KCNQ2: variants seen among roughly 807,000 people sequenced by gnomAD.
The protein encoded by KCNQ2 is potassium voltage-gated channel subfamily Q member 2, also known as potassium voltage-gated channel subfamily KQT member 2.
Under a neutral mutation model 84.8 loss-of-function variants are expected in KCNQ2, and 14 were observed. The observed-to-expected ratio is 0.17, with a 90% CI of 0.11 to 0.26. KCNQ2 has a LOEUF of 0.26. KCNQ2 is among the 10% of genes least tolerant of loss of function. The probability of loss-of-function intolerance (pLI) is 1.00; values close to 1 mark genes in which losing one functional copy is unlikely to be tolerated. For missense variants in KCNQ2, 788 were observed against 1,254.0 expected, an observed-to-expected ratio of 0.63 and a Z score of 5.61; for synonymous variants, 599 against 554.1, an observed-to-expected ratio of 1.08 and a Z score of -1.14.
At position 63,407,435 on chromosome 20, in the gene KCNQ2, A is replaced by G. The variant is rs111793741; in HGVS notation, c.1888-60T>C. 3,989 of 1,567,538 alleles carry G rather than the reference A, an allele frequency of 2.5e-3. 196 individuals carry two copies. The African/African-American group carries it at 0.052, about 20-fold the overall frequency. On this transcript the variant is annotated intron_variant, in intron 16 of 16. Transcript: ENST00000359125. The surrounding 1 kb of genome is among the most constrained non-coding windows in gnomAD (Gnocchi z 7.2). ...CCCGTCCCAGGAGATGTGGGGACCC[A>G]GGCTGCTCCCAGGAAATGGGGGGGC...
chr20:63,428,362 C>A lies in KCNQ2; in HGVS notation c.1217+5G>T, dbSNP rs1305559685. ...ACCCGCCCCACCTGGAGCTCCCCAG[C>A]TGACCTGAAAGCGAGTCCAGATTTA... On this transcript the variant is annotated splice_donor_5th_base_variant and intron_variant, in intron 10 of 16. Transcript: ENST00000359125. 2 of 1,562,388 alleles carry A rather than the reference C, an allele frequency of 1.3e-6. No individual in the cohort carries two copies. Among genetic ancestry groups the A allele is most frequent in the Non-Finnish European group, 1.7e-6 (2 of 1,152,574 alleles).
chr20:63,451,666 G>A (rs2081619025), intron 1 of KCNQ2, among the ~76,000 whole-genome samples: 1 of 152,136 alleles, frequency 6.6e-6, no homozygotes, highest in Non-Finnish European at 1.5e-5. Flanking sequence ...GCTGTTCCAG[G>A]CTCGATTCAC....
intron 15 of KCNQ2, chr20:63,411,845 G>T (rs925767530): frequency 8.5e-6 from 6 of 706,346 alleles, no homozygotes; most frequent in Non-Finnish European, 1.6e-5. Flanking sequence ...TTGTGCCGGG[G>T]AGTTGAAGGG....
chr20:63,453,540 G>A (rs888656885), intron 1 of KCNQ2: 2 of 152,338 alleles, frequency 1.3e-5, no homozygotes, highest in African/African-American at 4.8e-5. Flanking sequence ...GTAGGAGCAG[G>A]GGAGGACGCG....
chr20:63,450,717 C>G (rs999242959), intron 1 of KCNQ2, among the ~76,000 whole-genome samples: 17 of 151,652 alleles, frequency 1.1e-4, no homozygotes, highest in Non-Finnish European at 2.4e-4. Context: ...GGCTTGGAAG[C>G]AGGGGAGGGC....
intron 4 of KCNQ2, among the ~76,000 whole-genome samples, chr20:63,444,003 C>T (rs904903388): frequency 2.0e-4 from 30 of 152,248 alleles, no homozygotes; most frequent in African/African-American, 6.5e-4. Flanking sequence ...GCACTCAACC[C>T]CCACAGCGTC....
Position 63,415,115 on chromosome 20 carries a change from C to T in KCNQ2, c.1313G>A (p.Ser438Asn). 1.3e-6 allele frequency: 2 copies of T among 1,596,818 alleles called. No individual in the cohort carries two copies. The highest frequency in any genetic ancestry group is 8.5e-7 in the Non-Finnish European group (1 of 1,178,834). The change falls in exon 13 of 17, where the codon AGT becomes AAT. Residue 438 changes from serine (S) to asparagine (N), a missense_variant. Around this residue, in one of 8 missense-constraint regions of KCNQ2, gnomAD observed 202 missense variants for 239.4 expected, o/e 0.84. Transcript: ENST00000359125. Reference sequence around the variant, plus strand: ...GCTGGAGAAGACACGATCTTTCAAACTGACCTTCTGGCTGCTCCCACGGGA... The same window carrying T: ...GCTGGAGAAGACACGATCTTTCAAATTGACCTTCTGGCTGCTCCCACGGGA... ...CCPGRSSQKV[S>N]LKDRVFSSPR...
At chr20:63,409,221 G>T (rs1482136593) in intron 15 of KCNQ2, among the ~76,000 whole-genome samples, 2 of 152,184 alleles carry the variant, frequency 1.3e-5, no homozygotes, top group Non-Finnish European at 2.9e-5. Flanking sequence ...GTGTGCACTC[G>T]ATGTGCATGT....
At chr20:63,410,041 C>T in intron 15 of KCNQ2, 1 of 271,880 alleles carries the variant, frequency 3.7e-6, no homozygotes, top group Non-Finnish European at 7.2e-6. Context: ...GTTTCAGGCT[C>T]GCGTCGGCCA....
chr20:63,429,131 C>A (rs950470437), intron 9 of KCNQ2, among the ~76,000 whole-genome samples: 12 of 152,114 alleles, frequency 7.9e-5, no homozygotes, highest in Admixed American at 2.6e-4. Flanking sequence ...CAGGCACCTC[C>A]TCACGTCTGG....
Position 63,446,786 on chromosome 20 carries a change from C to T in KCNQ2, c.348G>A (p.Lys116=), listed in dbSNP as rs199860378. 7 of 1,613,566 alleles carry T rather than the reference C, an allele frequency of 4.3e-6. No individual in the cohort carries two copies. The East Asian group carries it at 1.3e-4, about 31-fold the overall frequency. Residue 116 remains lysine, a synonymous_variant, in exon 2 of 17, where the codon AAG becomes AAA. Transcript: ENST00000359125. The surrounding 1 kb of genome is among the most constrained non-coding windows in gnomAD (Gnocchi z 5.5). ...CLVLSVFSTI[K]EYEKSSEGAL... ...CCCCCTCCGAGCTCTTCTCATACTC[C>T]TTGATGGTGGAAAACACAGACAGCA... is the stretch of plus-strand genomic sequence containing the variant.
At chr20:63,447,788 G>A (rs914729200) in intron 1 of KCNQ2, among the ~76,000 whole-genome samples, 1 of 151,968 alleles carries the variant, frequency 6.6e-6, no homozygotes, top group African/African-American at 2.4e-5. Context: ...GTGGAGATGG[G>A]GTTTCATCAC....
chr20:63,442,869 T>C (rs796109756), intron 4 of KCNQ2, among the ~76,000 whole-genome samples: 56 of 18,154 alleles, frequency 3.1e-3, no homozygotes, highest in African/African-American at 5.0e-3. Context: ...ACCATCACCA[T>C]CACCATTATC....
chr20:63,442,713 C>A lies in KCNQ2; in HGVS notation c.691-182G>T, dbSNP rs1241213326. Among the ~76,000 whole-genome samples the A allele has an allele frequency of 3.1e-5, 3 of 97,242 alleles. 1 individual carries two copies. The highest frequency in any genetic ancestry group is 1.3e-4 in the African/African-American group (3 of 22,658). The allele number at this position is 97,242 out of a possible 152,430, so 63.8% of individuals were successfully genotyped here. ...ACCATCACCACCATCACCATCACCA[C>A]CACCACCACCATCATCACCACCTCC... On this transcript the variant is annotated intron_variant, in intron 4 of 16. Coordinates refer to ENST00000359125, the MANE Select transcript of KCNQ2 (RefSeq NM_172107.4).
rs896025218 is a variant in KCNQ2 at position 63,408,609 on chromosome 20, C to T, written c.1764-73G>A. 2 of 1,576,716 alleles carry T rather than the reference C, an allele frequency of 1.3e-6. No homozygotes were observed. ...GGGCCCCTGCCCTCTCCTCCTGGAC[C>T]AGGCCACAGTGCCCCTGGGTCTAGG... On this transcript the variant is annotated intron_variant, in intron 15 of 16. Coordinates refer to ENST00000359125, the MANE Select transcript of KCNQ2 (RefSeq NM_172107.4). The surrounding 1 kb of genome is among the most constrained non-coding windows in gnomAD (Gnocchi z 5.0).
In KCNQ2 at chr20:63,406,593, A is replaced by G; in HGVS notation, c.*51T>C. 6.5e-7 allele frequency: 1 copy of G among 1,531,228 alleles called. No homozygotes were observed. The highest frequency in any genetic ancestry group is 8.7e-7 in the Non-Finnish European group (1 of 1,146,182). 94.9% of individuals were successfully genotyped at this position (1,531,228 alleles called of 1,614,324 possible). On this transcript the variant is annotated 3_prime_UTR_variant, in exon 17 of 17. Coordinates refer to ENST00000359125, the MANE Select transcript of KCNQ2 (RefSeq NM_172107.4). Reference sequence around the variant, plus strand: ...GAGGGTTCCCGCCTCAAAACCTCGGAGGCACCGTGCTGAGGAGGGCCGCGG... The same window carrying G: ...GAGGGTTCCCGCCTCAAAACCTCGGGGGCACCGTGCTGAGGAGGGCCGCGG...
rs1244582308 is a variant in KCNQ2 at position 63,414,582 on chromosome 20, G to A, written c.1525+321C>T. ...CAGACACGCACGGCCCAAGAGCAGC[G>A]GGTGCTGGGGCTGAGGCGGGGAATG... On this transcript the variant is annotated intron_variant, in intron 13 of 16. Transcript: ENST00000359125. The surrounding 1 kb of genome is among the most constrained non-coding windows in gnomAD (Gnocchi z 6.6). 6.6e-6 allele frequency among the ~76,000 whole-genome samples: 1 copy of A among 152,032 alleles called. No homozygotes were observed. Among genetic ancestry groups the A allele is most frequent in the Non-Finnish European group, 1.5e-5 (1 of 68,018 alleles).
intron 7 of KCNQ2, among the ~76,000 whole-genome samples, chr20:63,435,026 G>A (rs1401346574): frequency 6.6e-6 from 1 of 152,160 alleles, no homozygotes; most frequent in Non-Finnish European, 1.5e-5. Flanking sequence ...GCTTTCCAGG[G>A]TGACTGCATC....
chr20:63,427,067 C>G (rs1316924783), intron 10 of KCNQ2, among the ~76,000 whole-genome samples: 1 of 152,066 alleles, frequency 6.6e-6, no homozygotes, highest in Non-Finnish European at 1.5e-5. Flanking sequence ...CCAAAAATAA[C>G]AAAACTTAGC....
Sources: allele counts gnomAD v4.1 joint callset (sites outside exome capture counted in the v4.1 genomes callset), GRCh38; gene constraint gnomAD v4.1.1; regional missense constraint gnomAD v4.1.1; non-coding constraint Gnocchi (gnomAD v3.1); transcripts MANE v1.5; gene names NCBI Gene and HGNC (gene_info 2026-07-23, HGNC 2026-07-21).